SDC2: variants seen among roughly 807,000 people sequenced by gnomAD.
The protein encoded by SDC2 is syndecan-2.
SDC2 carries 13 observed loss-of-function variants against 22.2 expected under a neutral mutation model. The ratio of observed to expected loss-of-function variants is 0.59; its 90% CI spans 0.38 to 0.93. SDC2 has a LOEUF of 0.93. SDC2 is among the 40% of genes least tolerant of loss of function. SDC2 has a pLI of 0.00. For missense variants in SDC2, 235 were observed against 246.8 expected (o/e 0.95, Z 0.32); for synonymous variants, 94 against 92.8 (o/e 1.01, Z -0.07).
intron 1 of SDC2, among the ~76,000 whole-genome samples, chr8:96,548,027 T>C (rs1195095854): frequency 6.6e-6 from 1 of 152,230 alleles, no homozygotes; most frequent in Admixed American, 6.5e-5. Flanking sequence ...CTTTCCAAAG[T>C]GCTGGGATTA....
chr8:96,561,750 A>G (rs1280559378), intron 1 of SDC2, among the ~76,000 whole-genome samples: 1 of 152,230 alleles, frequency 6.6e-6, no homozygotes, highest in East Asian at 1.9e-4. Flanking sequence ...TAGTGAAAGA[A>G]TCCAGCTGAG....
chr8:96,599,880 C>A (rs1312570966), intron 2 of SDC2, among the ~76,000 whole-genome samples: 1 of 152,166 alleles, frequency 6.6e-6, no homozygotes, highest in African/African-American at 2.4e-5. Flanking sequence ...GTGCCTCATA[C>A]CTATAATCTC....
chr8:96,522,424 G>A (rs1175748430), intron 1 of SDC2, among the ~76,000 whole-genome samples: 1 of 151,786 alleles, frequency 6.6e-6, no homozygotes, highest in African/African-American at 2.4e-5. Context: ...AGGGAACGCC[G>A]TGTATTATTT....
chr8:96,513,085 T>C (rs577575010), intron 1 of SDC2, among the ~76,000 whole-genome samples: 1 of 152,188 alleles, frequency 6.6e-6, no homozygotes, highest in African/African-American at 2.4e-5. Flanking sequence ...TCGCAAGCTT[T>C]AGAAGAAAAT....
intron 1 of SDC2, among the ~76,000 whole-genome samples, chr8:96,585,601 C>T (rs1455571006): frequency 1.3e-5 from 2 of 152,070 alleles, no homozygotes; most frequent in African/African-American, 2.4e-5. Flanking sequence ...GGACATCATT[C>T]AGTTAAATAA....
Position 96,579,994 on chromosome 8 carries a change from C to T in SDC2, c.61-13486C>T, listed in dbSNP as rs1029577193. Among the ~76,000 whole-genome samples, 5 of 152,176 alleles carry T rather than the reference C, an allele frequency of 3.3e-5. No homozygotes were observed. In the East Asian group the frequency reaches 5.8e-4, roughly 18 times the overall value. ...TCCGAATGGCAGCTTTTTACAGAGC[C>T]CCCCCAGCACGATTGATTATAGCTG... On this transcript the variant is annotated intron_variant, in intron 1 of 4. Coordinates refer to ENST00000302190, the MANE Select transcript of SDC2 (RefSeq NM_002998.4).
intron 1 of SDC2, among the ~76,000 whole-genome samples, chr8:96,532,516 G>A (rs1054184802): frequency 1.1e-4 from 16 of 142,754 alleles, no homozygotes; most frequent in South Asian, 4.4e-4. Context: ...CTTAGTTAAC[G>A]TTAAATTCCA....
intron 1 of SDC2, among the ~76,000 whole-genome samples, chr8:96,520,058 T>C (rs1813472149): frequency 6.6e-6 from 1 of 152,246 alleles, no homozygotes; most frequent in South Asian, 2.1e-4. Context: ...TAACATGCCT[T>C]CTTGGCCTTT....
intron 1 of SDC2, among the ~76,000 whole-genome samples, chr8:96,505,980 AT>A (rs1398967856): frequency 6.6e-6 from 1 of 152,252 alleles, no homozygotes; most frequent in Non-Finnish European, 1.5e-5. Context: ...GCATCAGTTT[AT>A]GTTGAATCTA....
At chr8:96,575,691 A>T (rs1263910871) in intron 1 of SDC2, among the ~76,000 whole-genome samples, 9 of 152,020 alleles carry the variant, frequency 5.9e-5, no homozygotes, top group Non-Finnish European at 1.3e-4. Flanking sequence ...TCACTTGTTC[A>T]AGGAGGCAAG....
intron 3 of SDC2, 127 bp downstream of exon 3, chr8:96,602,655 C>A: frequency 1.0e-6 from 1 of 969,214 alleles, no homozygotes; most frequent in Non-Finnish European, 1.5e-6. Context: ...GAACTATGTA[C>A]ACAACAGTTC....
intron 1 of SDC2, among the ~76,000 whole-genome samples, chr8:96,591,275 G>A (rs1324929021): frequency 6.6e-6 from 1 of 152,170 alleles, no homozygotes; most frequent in Non-Finnish European, 1.5e-5. Flanking sequence ...ACATGGAAAG[G>A]GAATATTTTG....
chr8:96,494,846 A>G (rs1389366341), intron 1 of SDC2, among the ~76,000 whole-genome samples: 1 of 151,990 alleles, frequency 6.6e-6, no homozygotes, highest in Non-Finnish European at 1.5e-5. Context: ...GATTTAAGAG[A>G]CCCGCGAGTG....
At chr8:96,540,771 G>A (rs1278510792) in intron 1 of SDC2, among the ~76,000 whole-genome samples, 1 of 152,194 alleles carries the variant, frequency 6.6e-6, no homozygotes, top group Non-Finnish European at 1.5e-5. Flanking sequence ...CATGAAGTAG[G>A]TTTTACCACA....
intron 1 of SDC2, among the ~76,000 whole-genome samples, chr8:96,506,734 G>A (rs577976195): frequency 4.1e-4 from 63 of 152,236 alleles, no homozygotes; most frequent in African/African-American, 1.3e-3. Flanking sequence ...TTAGCTGGCC[G>A]GGCACGGTGG....
At chr8:96,593,629 C>T (rs567673125) in intron 2 of SDC2, 38 bp downstream of exon 2, 8 of 1,271,368 alleles carry the variant, frequency 6.3e-6, no homozygotes, top group Non-Finnish European at 9.2e-6. Flanking sequence ...CCTCATTCTC[C>T]AGGCATGCAC....
intron 1 of SDC2, among the ~76,000 whole-genome samples, chr8:96,559,517 A>G (rs1035334503): frequency 1.3e-5 from 2 of 152,212 alleles, no homozygotes. Context: ...TGCTATGTTC[A>G]TGAGTACTTC....
intron 1 of SDC2, among the ~76,000 whole-genome samples, chr8:96,570,438 A>G (rs1814374134): frequency 6.6e-6 from 1 of 152,228 alleles, no homozygotes; most frequent in African/African-American, 2.4e-5. Flanking sequence ...GCAAAAACAA[A>G]AAACAAAAAA....
At chr8:96,511,177 G>T (rs1223451189) in intron 1 of SDC2, among the ~76,000 whole-genome samples, 2 of 152,174 alleles carry the variant, frequency 1.3e-5, no homozygotes, top group Non-Finnish European at 2.9e-5. Flanking sequence ...GAACCTCTGA[G>T]CTACGGTTCT....
Sources: allele counts gnomAD v4.1 joint callset (sites outside exome capture counted in the v4.1 genomes callset), GRCh38; gene constraint gnomAD v4.1.1; transcripts MANE v1.5; gene names NCBI Gene and HGNC (gene_info 2026-07-23, HGNC 2026-07-21).